The following CNBD1 variants were observed in gnomAD, a reference collection of about 807,000 sequenced individuals.
CNBD1 encodes the protein cyclic nucleotide binding domain containing 1, also known as cyclic nucleotide-binding domain-containing protein 1.
CNBD1 carries 71 observed loss-of-function variants against 54.4 expected under a neutral mutation model. The observed-to-expected ratio is 1.30, with a 90% CI of 1.08 to 1.59. CNBD1 has a LOEUF of 1.59. Ranked by LOEUF, CNBD1 falls within the 40% of genes most tolerant of loss-of-function variation. CNBD1 has a pLI of 0.00. For synonymous variants in CNBD1, 182 were observed against 170.7 expected (o/e 1.07, Z -0.51); for missense variants, 659 against 518.0 (o/e 1.27, Z -2.64).
chr8:86,969,685 C>T (rs1808173831), intron 4 of CNBD1, among the ~76,000 whole-genome samples: 1 of 151,644 alleles, frequency 6.6e-6, no homozygotes, highest in African/African-American at 2.4e-5. Flanking sequence ...TTACCTATTA[C>T]AATATGTATT....
At chr8:87,090,975 A>G (rs1225780056) in intron 4 of CNBD1, among the ~76,000 whole-genome samples, 8 of 151,934 alleles carry the variant, frequency 5.3e-5, no homozygotes, top group African/African-American at 1.9e-4. Flanking sequence ...CCCTGTCTCT[A>G]TGAAAAATAT....
At chr8:87,349,420 G>A (rs919748618) in intron 8 of CNBD1, among the ~76,000 whole-genome samples, 1 of 152,166 alleles carries the variant, frequency 6.6e-6, no homozygotes, top group African/African-American at 2.4e-5. Flanking sequence ...CTGTCGCTCA[G>A]GTGGGAGTGC....
In CNBD1 at chr8:87,342,825, G is replaced by A. The variant is rs140299426; in HGVS notation, c.1043-8860G>A. Among the ~76,000 whole-genome samples the A allele has an allele frequency of 6.9e-3, 1,044 of 152,240 alleles. 11 individuals are homozygous for A. The highest frequency in any genetic ancestry group is 0.024 in the African/African-American group (985 of 41,548). Reference sequence around the variant, plus strand: ...AGGCAAGGGCAAAATTAGAATTACTGATGAGGGTCCATGTCCCACTGTGCA... The same window carrying A: ...AGGCAAGGGCAAAATTAGAATTACTAATGAGGGTCCATGTCCCACTGTGCA... On this transcript the variant is annotated intron_variant, in intron 8 of 10. Coordinates refer to ENST00000518476, the MANE Select transcript of CNBD1 (RefSeq NM_173538.3).
intron 4 of CNBD1, among the ~76,000 whole-genome samples, chr8:87,100,480 T>G (rs1811408600): frequency 6.6e-6 from 1 of 151,976 alleles, no homozygotes. Context: ...AAGGTTTTGT[T>G]TGTTTGTTTG....
At position 87,336,028 on chromosome 8, in the gene CNBD1, C is replaced by G. The variant is rs556733269; in HGVS notation, c.1043-15657C>G. Reference sequence around the variant, plus strand: ...TTAAGAATGTTGAATATTGGCCCCACTCTCTTCTGGCTTGTAGGTTTTCTG... The same window carrying G: ...TTAAGAATGTTGAATATTGGCCCCAGTCTCTTCTGGCTTGTAGGTTTTCTG... On this transcript the variant is annotated intron_variant, in intron 8 of 10. Transcript: ENST00000518476. 2.1e-3 allele frequency among the ~76,000 whole-genome samples: 315 copies of G among 152,278 alleles called. 1 individual carries two copies. Among genetic ancestry groups the G allele is most frequent in the African/African-American group, 7.4e-3 (306 of 41,542 alleles).
intron 4 of CNBD1, among the ~76,000 whole-genome samples, chr8:87,114,167 T>C (rs868310014): frequency 1.3e-5 from 2 of 152,210 alleles, no homozygotes; most frequent in Admixed American, 6.5e-5. Flanking sequence ...AAATGATACA[T>C]GTGCATTAAA....
At chr8:86,963,931 G>C (rs1164941348) in intron 4 of CNBD1, among the ~76,000 whole-genome samples, 1 of 152,168 alleles carries the variant, frequency 6.6e-6, no homozygotes, top group East Asian at 1.9e-4. Flanking sequence ...GCCCTCCAAT[G>C]ATCTACATTT....
At chr8:86,884,495 T>C (rs942657171) in intron 1 of CNBD1, among the ~76,000 whole-genome samples, 2 of 152,108 alleles carry the variant, frequency 1.3e-5, no homozygotes, top group African/African-American at 4.8e-5. Context: ...AGTTGAAAAA[T>C]GGGTAGATAC....
intron 8 of CNBD1, among the ~76,000 whole-genome samples, chr8:87,298,737 G>A (rs1387062734): frequency 6.6e-6 from 1 of 151,640 alleles, no homozygotes; most frequent in Non-Finnish European, 1.5e-5. Flanking sequence ...GCCTTCCTCG[G>A]CCTCCCAAAG....
rs538985760 is a variant in CNBD1 at position 86,991,849 on chromosome 8, A to G, written c.431+52095A>G. ...GAGAGATCTTCTTGATATTGATTCT[A>G]TTTTTATTGCACTGTTGTAAAGAGT... On this transcript the variant is annotated intron_variant, in intron 4 of 10. Transcript: ENST00000518476. 1.4e-3 allele frequency among the ~76,000 whole-genome samples: 212 copies of G among 152,234 alleles called. 3 individuals carry two copies. The highest frequency in any genetic ancestry group is 0.01 in the Middle Eastern group (3 of 294).
intron 4 of CNBD1, among the ~76,000 whole-genome samples, chr8:87,076,623 T>G (rs1324157469): frequency 6.6e-6 from 1 of 152,048 alleles, no homozygotes; most frequent in Admixed American, 6.6e-5. Flanking sequence ...TTTGTATTTT[T>G]AGTAGAGATG....
intron 4 of CNBD1, among the ~76,000 whole-genome samples, chr8:87,122,916 G>A (rs1386858538): frequency 6.6e-6 from 1 of 151,752 alleles, no homozygotes; most frequent in Non-Finnish European, 1.5e-5. Context: ...GACTGATGAT[G>A]TAGCTGTGTT....
intron 3 of CNBD1, among the ~76,000 whole-genome samples, chr8:86,918,859 C>A (rs13259244): frequency 0.9 from 136,427 of 151,044 alleles, 61,661 homozygotes; most frequent in East Asian, 1. Flanking sequence ...GCATCACCCA[C>A]ATAGTGTACA....
intron 6 of CNBD1, 37 bp from the exon 7 acceptor site, chr8:87,284,641 G>A (rs368332557): frequency 6.4e-6 from 10 of 1,554,324 alleles, no homozygotes; most frequent in African/African-American, 1.4e-5. Context: ...GTTGATGAGT[G>A]GTAATAAACA....
chr8:87,034,807 G>A (rs563067414), intron 4 of CNBD1, among the ~76,000 whole-genome samples: 2 of 152,146 alleles, frequency 1.3e-5, no homozygotes, highest in African/African-American at 4.8e-5. Flanking sequence ...TAAAACTCAT[G>A]TACAAGTGGA....
intron 4 of CNBD1, among the ~76,000 whole-genome samples, chr8:86,956,941 A>G (rs1209471262): frequency 6.6e-6 from 1 of 152,204 alleles, no homozygotes; most frequent in Non-Finnish European, 1.5e-5. Flanking sequence ...GTTTTTGCCC[A>G]TTCAGTATGA....
chr8:87,283,465 A>G (rs182026041), intron 6 of CNBD1, among the ~76,000 whole-genome samples: 21 of 152,152 alleles, frequency 1.4e-4, no homozygotes, highest in Admixed American at 1.1e-3. Context: ...GAATTTATAC[A>G]TAAGGTTAAG....
chr8:86,964,814 T>C (rs1808028336), intron 4 of CNBD1, among the ~76,000 whole-genome samples: 1 of 152,088 alleles, frequency 6.6e-6, no homozygotes, highest in Admixed American at 6.5e-5. Flanking sequence ...CCTTGCAGCC[T>C]CTCCTGAGAT....
chr8:87,054,724 C>T (rs528845835), intron 4 of CNBD1, among the ~76,000 whole-genome samples: 3 of 152,230 alleles, frequency 2.0e-5, no homozygotes, highest in Non-Finnish European at 4.4e-5. Context: ...CTCCAGGTTA[C>T]ACCGAAGTGT....
Sources: gnomAD v4.1 joint callset for allele counts (sites outside exome capture counted in the v4.1 genomes callset) on GRCh38, gnomAD v4.1.1 for gene constraint, MANE v1.5 for transcripts, NCBI Gene and HGNC (gene_info 2026-07-23, HGNC 2026-07-21) for gene names.